Variants in SLC61A1 observed in about 807,000 individuals in gnomAD.
The protein encoded by SLC61A1 is solute carrier family 61 member 1.
chr12:53,252,642 G>A, the SLC61A1 span, among the ~76,000 whole-genome samples: 2 of 152,136 alleles, frequency 1.3e-5, no homozygotes, highest in Non-Finnish European at 2.9e-5. Flanking sequence ...CAGTGTCCTA[G>A]GAGACAGCTT....
chr12:53,254,396 T>G, the SLC61A1 span: 1 of 583,510 alleles, frequency 1.7e-6, no homozygotes, highest in East Asian at 2.9e-5. Context: ...ATAAACACTT[T>G]TAAATGATCA....
chr12:53,253,206 C>G, the SLC61A1 span: 4 of 1,614,286 alleles, frequency 2.5e-6, no homozygotes, highest in Non-Finnish European at 3.4e-6. Context: ...ACCAAACTCT[C>G]TCAAGACTAC....
At chr12:53,253,771 G>A in the SLC61A1 span, 6 of 1,614,050 alleles carry the variant, frequency 3.7e-6, no homozygotes, top group Non-Finnish European at 3.4e-6. Flanking sequence ...TTCAGCCCAT[G>A]CACCTGCTGT....
the SLC61A1 span, chr12:53,252,890 C>T: frequency 6.2e-7 from 1 of 1,614,156 alleles, no homozygotes; most frequent in Non-Finnish European, 8.5e-7. Context: ...CTGCCTGGGG[C>T]TGGAACTGTC....
At chr12:53,252,149 G>C in the SLC61A1 span, 6 of 1,437,864 alleles carry the variant, frequency 4.2e-6, no homozygotes, top group East Asian at 1.5e-4. Context: ...CCCGGAAGCA[G>C]GCTGTGAGGG....
chr12:53,253,382 G>T, the SLC61A1 span: 3 of 1,614,256 alleles, frequency 1.9e-6, no homozygotes, highest in Non-Finnish European at 2.5e-6. Flanking sequence ...TGTGCTGGCT[G>T]TAGTGGCAGG....
the SLC61A1 span, chr12:53,254,012 C>G: frequency 6.2e-7 from 1 of 1,614,086 alleles, no homozygotes; most frequent in Non-Finnish European, 8.5e-7. Context: ...TTGCCTAGGG[C>G]TCCTTGTCCT....
At chr12:53,252,618 C>A in the SLC61A1 span, 1 of 1,211,782 alleles carries the variant, frequency 8.3e-7, no homozygotes, top group Non-Finnish European at 1.1e-6. Flanking sequence ...GTCTTCTTAC[C>A]CCTCCCTGCC....
the SLC61A1 span, chr12:53,253,863 C>T: frequency 6.2e-7 from 1 of 1,614,186 alleles, no homozygotes; most frequent in Non-Finnish European, 8.5e-7. Flanking sequence ...CCGGTGGAGT[C>T]CTTCATAGCC....
At chr12:53,253,497 A>T in the SLC61A1 span, 1 of 1,614,116 alleles carries the variant, frequency 6.2e-7, no homozygotes, top group Non-Finnish European at 8.5e-7. Flanking sequence ...GCCCTTCGAA[A>T]CTGGGGGGAG....
At chr12:53,252,617 C>T in the SLC61A1 span, 4 of 1,210,046 alleles carry the variant, frequency 3.3e-6, no homozygotes, top group African/African-American at 1.5e-5. Context: ...TGTCTTCTTA[C>T]CCCTCCCTGC....
chr12:53,251,999 C>G, the SLC61A1 span: 9 of 1,535,704 alleles, frequency 5.9e-6, no homozygotes, highest in East Asian at 7.3e-5. Flanking sequence ...GTCGCCCCTT[C>G]CCGACCCACC....
At chr12:53,252,759 C>A in the SLC61A1 span, 1 of 1,562,936 alleles carries the variant, frequency 6.4e-7, no homozygotes, top group Non-Finnish European at 8.6e-7. Context: ...CTTAAGACAG[C>A]CCCTTGACCG....
chr12:53,253,529 T>G, the SLC61A1 span: 4 of 1,614,084 alleles, frequency 2.5e-6, no homozygotes, highest in African/African-American at 5.3e-5. Context: ...GCAGCGTGCC[T>G]TCTCAAGGAC....
chr12:53,251,998 T>G, the SLC61A1 span: 2 of 1,228,864 alleles, frequency 1.6e-6, no homozygotes, highest in South Asian at 2.6e-5. Context: ...GGTCGCCCCT[T>G]CCCGACCCAC....
At chr12:53,252,169 C>A in the SLC61A1 span, 2 of 1,425,206 alleles carry the variant, frequency 1.4e-6, no homozygotes, top group Non-Finnish European at 1.8e-6. Context: ...GGCGGGAGCG[C>A]TGCTGGAACC....
At chr12:53,253,160 G>A in the SLC61A1 span, 2 of 1,614,228 alleles carry the variant, frequency 1.2e-6, no homozygotes, top group Non-Finnish European at 1.7e-6. Flanking sequence ...GAATTCTTGT[G>A]TCCTCTTCTC....
chr12:53,254,051 C>A, the SLC61A1 span: 3 of 1,614,190 alleles, frequency 1.9e-6, no homozygotes, highest in Non-Finnish European at 2.5e-6. Context: ...AACAGGCACT[C>A]GGAATATGTT....
At chr12:53,254,213 G>A in the SLC61A1 span, 1 of 1,603,704 alleles carries the variant, frequency 6.2e-7, no homozygotes, top group Non-Finnish European at 8.5e-7. Flanking sequence ...AAGATAGCTG[G>A]GACAGACTCT....
Sources: gnomAD v4.1 joint callset for allele counts (sites outside exome capture counted in the v4.1 genomes callset) on GRCh38, gnomAD v4.1.1 for gene constraint, MANE v1.5 for transcripts, NCBI Gene and HGNC (gene_info 2026-07-23, HGNC 2026-07-21) for gene names.